The following DGKB variants were observed in gnomAD, a reference collection of about 807,000 sequenced individuals.
The protein encoded by DGKB is 90 kDa diacylglycerol kinase.
DGKB carries 67 observed loss-of-function variants against 114.3 expected under a neutral mutation model. The observed-to-expected ratio is 0.59, with a 90% CI of 0.48 to 0.72. The LOEUF (loss-of-function observed/expected upper bound fraction) is 0.72. Ranked by LOEUF, DGKB falls within the 30% of genes least tolerant of loss-of-function variation. The probability of loss-of-function intolerance (pLI) is 0.00; values close to 1 mark genes in which losing one functional copy is unlikely to be tolerated. For missense variants in DGKB, 907 were observed against 975.2 expected (o/e 0.93, Z 0.93); for synonymous variants, 398 against 323.1 (o/e 1.23, Z -2.49).
chr7:14,747,953 T>A (rs930326669), intron 4 of DGKB, among the ~76,000 whole-genome samples: 4 of 152,304 alleles, frequency 2.6e-5, no homozygotes, highest in African/African-American at 9.6e-5. Flanking sequence ...CAAGGCACAT[T>A]TCTATATGCC....
At chr7:14,805,416 T>C (rs1214148215) in intron 2 of DGKB, among the ~76,000 whole-genome samples, 1 of 152,104 alleles carries the variant, frequency 6.6e-6, no homozygotes, top group Non-Finnish European at 1.5e-5. Flanking sequence ...CAGCAGGCAC[T>C]TCATTTTTAA....
intron 23 of DGKB, among the ~76,000 whole-genome samples, chr7:14,284,083 C>A (rs933723813): frequency 6.6e-6 from 1 of 152,056 alleles, no homozygotes; most frequent in South Asian, 2.1e-4. Context: ...AGGCAACCTA[C>A]AAAATGGGAG....
chr7:14,826,850 G>T (rs1845769095), intron 2 of DGKB, among the ~76,000 whole-genome samples: 1 of 152,076 alleles, frequency 6.6e-6, no homozygotes, highest in Admixed American at 6.6e-5. Flanking sequence ...TATTATATTT[G>T]CCATCTAAGA....
intron 16 of DGKB, among the ~76,000 whole-genome samples, chr7:14,612,694 G>T (rs1227944835): frequency 1.3e-5 from 2 of 151,862 alleles, no homozygotes; most frequent in African/African-American, 4.8e-5. Flanking sequence ...AAGCATTAAG[G>T]CAGGTATAAA....
At chr7:14,865,932 A>C (rs770162038) in intron 1 of DGKB, among the ~76,000 whole-genome samples, 1 of 152,300 alleles carries the variant, frequency 6.6e-6, no homozygotes, top group East Asian at 1.9e-4. Context: ...TATAACTTTC[A>C]TGAGTTAAGG....
intron 21 of DGKB, among the ~76,000 whole-genome samples, chr7:14,366,978 A>G (rs1010442868): frequency 6.6e-6 from 1 of 152,122 alleles, no homozygotes; most frequent in African/African-American, 2.4e-5. Context: ...TGTGATTTTC[A>G]TAGTCTACAA....
At chr7:14,274,973 GTT>G (rs1491192422) in intron 23 of DGKB, among the ~76,000 whole-genome samples, 61 of 136,994 alleles carry the variant, frequency 4.5e-4, no homozygotes, top group East Asian at 8.4e-4. Context: ...GTGTGTGTGT[GTT>G]TGTGTGTGCG....
Position 14,613,429 on chromosome 7 carries a change from T to C in DGKB, c.1285-16A>G, listed in dbSNP as rs1525088. The C allele has an allele frequency of 0.32, 465,602 of 1,460,670 alleles. 78,405 individuals carry two copies. Among genetic ancestry groups the C allele is most frequent in the East Asian group, 0.69 (28,310 of 40,784 alleles). 90.5% of individuals were successfully genotyped at this position (1,460,670 alleles called of 1,614,324 possible). On this transcript the variant is annotated splice_polypyrimidine_tract_variant and intron_variant, in intron 15 of 25. Transcript: ENST00000402815. Reference sequence around the variant, plus strand: ...CAGGAGTGACCTATAAGAAAAGTTATATACATGGAAAAATTATTAGGCCCA... The same window carrying C: ...CAGGAGTGACCTATAAGAAAAGTTACATACATGGAAAAATTATTAGGCCCA...
chr7:14,411,075 A>T (rs1583728290), intron 21 of DGKB, among the ~76,000 whole-genome samples: 1 of 152,152 alleles, frequency 6.6e-6, no homozygotes, highest in South Asian at 2.1e-4. Context: ...TGCAGCTCCC[A>T]GTCAGCCACA....
At chr7:14,530,830 C>T (rs1791466478) in intron 20 of DGKB, among the ~76,000 whole-genome samples, 1 of 151,614 alleles carries the variant, frequency 6.6e-6, no homozygotes, top group African/African-American at 2.4e-5. Flanking sequence ...GACAAAGATG[C>T]TAGCAGAAAA....
intron 3 of DGKB, among the ~76,000 whole-genome samples, chr7:14,756,730 C>T (rs1834926971): frequency 1.3e-5 from 2 of 151,474 alleles, no homozygotes; most frequent in Non-Finnish European, 3.0e-5. Flanking sequence ...AAGAAGTGTG[C>T]TCTTGCAAAC....
At chr7:14,802,496 C>G (rs1056312619) in intron 2 of DGKB, among the ~76,000 whole-genome samples, 1 of 152,096 alleles carries the variant, frequency 6.6e-6, no homozygotes. Context: ...TTTTTAATTT[C>G]TGCAATGTCT....
At chr7:14,577,112 C>T (rs1371766558) in intron 19 of DGKB, among the ~76,000 whole-genome samples, 1 of 152,034 alleles carries the variant, frequency 6.6e-6, no homozygotes, top group African/African-American at 2.4e-5. Context: ...AATATGCCAG[C>T]AAAAGATTTT....
At chr7:14,702,691 T>C (rs370739388) in intron 6 of DGKB, among the ~76,000 whole-genome samples, 4 of 152,258 alleles carry the variant, frequency 2.6e-5, no homozygotes, top group African/African-American at 9.6e-5. Flanking sequence ...TCCTGAATGA[T>C]CTTGATGTCT....
At chr7:14,302,799 T>G (rs773430786) in intron 23 of DGKB, among the ~76,000 whole-genome samples, 2 of 152,164 alleles carry the variant, frequency 1.3e-5, no homozygotes, top group African/African-American at 4.8e-5. Flanking sequence ...AAGCAGATGA[T>G]GACATTTGAT....
In DGKB at chr7:14,943,989, T is replaced by C. The variant is rs144138987; in HGVS notation, c.-188+30707A>G. Among the ~76,000 whole-genome samples the C allele has an allele frequency of 4.3e-3, 647 of 152,024 alleles. 5 individuals are homozygous for C. The highest frequency in any genetic ancestry group is 0.014 in the African/African-American group (600 of 41,548). ...TCACCCTCTTGAAAAGTGTGTTCAT[T>C]ACAGGCCAATTTATTAACACAGCGG... On this transcript the variant is annotated intron_variant, in intron 1 of 4. Transcript: ENST00000437998.
intron 1 of DGKB, among the ~76,000 whole-genome samples, chr7:14,877,845 C>T (rs1457332512): frequency 6.6e-6 from 1 of 152,076 alleles, no homozygotes; most frequent in Non-Finnish European, 1.5e-5. Flanking sequence ...TACTGACTTG[C>T]TATTAGGAAA....
At chr7:14,733,944 A>T (rs778723935) in intron 5 of DGKB, among the ~76,000 whole-genome samples, 1 of 151,990 alleles carries the variant, frequency 6.6e-6, no homozygotes, top group African/African-American at 2.4e-5. Flanking sequence ...TGGCTCAACC[A>T]TCTATTTCTT....
intron 21 of DGKB, among the ~76,000 whole-genome samples, chr7:14,435,677 A>T (rs1829136079): frequency 6.6e-6 from 1 of 152,142 alleles, no homozygotes; most frequent in Non-Finnish European, 1.5e-5. Context: ...CCATGTCCAC[A>T]TACTCTTCTA....
Sources: gnomAD v4.1 joint callset for allele counts (sites outside exome capture counted in the v4.1 genomes callset) on GRCh38, gnomAD v4.1.1 for gene constraint, MANE v1.5 for transcripts, NCBI Gene and HGNC (gene_info 2026-07-23, HGNC 2026-07-21) for gene names.